The following COMMD7 variants were observed in gnomAD, a reference collection of about 807,000 sequenced individuals.
The protein encoded by COMMD7 is COMM domain-containing protein 7.
A neutral mutation model predicts 34.8 loss-of-function variants in COMMD7; 28 were observed. The ratio of observed to expected loss-of-function variants is 0.80; its 90% CI spans 0.60 to 1.10. The LOEUF (loss-of-function observed/expected upper bound fraction) is 1.10. Ranked by LOEUF, COMMD7 falls within the 50% of genes least tolerant of loss-of-function variation. The pLI is 0.00. For missense variants in COMMD7, 211 were observed against 241.6 expected (o/e 0.87, Z 0.84); for synonymous variants, 80 against 86.4 (o/e 0.93, Z 0.41).
Position 32,730,123 on chromosome 20 carries a change from T to C in COMMD7, c.85-1981A>G, listed in dbSNP as rs558840020. Among the ~76,000 whole-genome samples, 4 of 143,538 alleles carry C rather than the reference T, an allele frequency of 2.8e-5. No homozygotes were observed. The South Asian group carries it at 6.4e-4, about 23-fold the overall frequency. The allele number at this position is 143,538 out of a possible 152,430, so 94.2% of individuals were successfully genotyped here. On this transcript the variant is annotated intron_variant, in intron 1 of 8. Transcript: ENST00000278980. ...TTTTGTTATGGCAGCCTGAGCTGAC[T>C]GAGACACAGATCATTACTTTATCAT...
chr20:32,706,793 C>G, intron 3 of COMMD7, 33 bp from the exon 4 acceptor site: 2 of 1,582,062 alleles, frequency 1.3e-6, no homozygotes, highest in Middle Eastern at 1.7e-4. Flanking sequence ...GTTAGAAAGG[C>G]AGACCAGTGA....
intron 3 of COMMD7, among the ~76,000 whole-genome samples, chr20:32,708,418 T>C (rs1055221756): frequency 1.3e-5 from 2 of 151,912 alleles, no homozygotes; most frequent in African/African-American, 4.8e-5. Flanking sequence ...AAATCAACCA[T>C]ATAAACAAAG....
intron 3 of COMMD7, among the ~76,000 whole-genome samples, chr20:32,722,267 A>T (rs1183525031): frequency 6.7e-6 from 1 of 150,166 alleles, no homozygotes; most frequent in African/African-American, 2.4e-5. Flanking sequence ...AAAAAAAAAA[A>T]AGGATACAGT....
intron 6 of COMMD7, 144 bp from the exon 7 acceptor site, chr20:32,704,633 G>T (rs1183368667): frequency 3.2e-6 from 3 of 933,554 alleles, no homozygotes; most frequent in East Asian, 5.2e-5. Flanking sequence ...TGTGCTTTTG[G>T]AAAGTCAACT....
At position 32,712,612 on chromosome 20, in the gene COMMD7, T is replaced by TAA. The variant is rs34447587; in HGVS notation, c.242-5854_242-5853dup. On this transcript the variant is annotated intron_variant, in intron 3 of 8. Transcript: ENST00000278980. ...ACCCTGCACATGTACCCCAGACCTT[T>TAA]AAAAAAAAAAAAAAGAAAATTGTGT... 8.8e-3 allele frequency among the ~76,000 whole-genome samples: 1,243 copies of TAA among 141,872 alleles called. 19 individuals are homozygous for TAA. Among genetic ancestry groups the TAA allele is most frequent in the African/African-American group, 0.027 (1,043 of 38,230 alleles). 93.1% of individuals were successfully genotyped at this position (141,872 alleles called of 152,430 possible). A position where few individuals can be genotyped will look rare whatever the true frequency, so the allele number is the denominator to read the frequency against.
chr20:32,730,339 G>A (rs564840704), intron 1 of COMMD7, among the ~76,000 whole-genome samples: 26 of 152,206 alleles, frequency 1.7e-4, no homozygotes, highest in Admixed American at 1.4e-3. Flanking sequence ...CGGATCATTT[G>A]AGGTCGGGAG....
At chr20:32,727,405 T>C (rs992791680) in intron 3 of COMMD7, among the ~76,000 whole-genome samples, 1 of 151,388 alleles carries the variant, frequency 6.6e-6, no homozygotes, top group African/African-American at 2.4e-5. Flanking sequence ...GGCGTGGTGG[T>C]GCGTGCCTGT....
chr20:32,703,956 GTCAC>G, intron 8 of COMMD7, 63 bp downstream of exon 8: 1 of 1,611,022 alleles, frequency 6.2e-7, no homozygotes, highest in Non-Finnish European at 8.5e-7. Flanking sequence ...TGTGGTGAGC[GTCAC>G]CAGCCCCTGA....
intron 3 of COMMD7, among the ~76,000 whole-genome samples, chr20:32,722,247 A>G (rs932908038): frequency 3.6e-4 from 5 of 13,964 alleles, no homozygotes; most frequent in Non-Finnish European, 6.6e-4. Flanking sequence ...CTCTGTCTCG[A>G]AAAAAAAAAA....
At chr20:32,739,513 C>T (rs991473665) in intron 1 of COMMD7, among the ~76,000 whole-genome samples, 2 of 150,652 alleles carry the variant, frequency 1.3e-5, no homozygotes, top group South Asian at 2.1e-4. Context: ...GGAGTAGTGG[C>T]GGGTGCCTGT....
intron 3 of COMMD7, among the ~76,000 whole-genome samples, chr20:32,722,820 GA>G (rs1299019024): frequency 6.6e-6 from 1 of 150,536 alleles, no homozygotes; most frequent in Non-Finnish European, 1.5e-5. Flanking sequence ...AAGAGATCGA[GA>G]CCATCCTGGC....
At position 32,713,444 on chromosome 20, in the gene COMMD7, G is replaced by A. The variant is rs80234586; in HGVS notation, c.242-6684C>T. On this transcript the variant is annotated intron_variant, in intron 3 of 8. Coordinates refer to ENST00000278980, the MANE Select transcript of COMMD7 (RefSeq NM_053041.3). ...CAAAACAAAGGGAAGTGAGGGTGAC[G>A]ACTTCAGTTTTGCCAAGACGGTTGG... is the stretch of plus-strand genomic sequence containing the variant. Among the ~76,000 whole-genome samples, 445 of 152,342 alleles carry A rather than the reference G, an allele frequency of 2.9e-3. 4 individuals carry two copies. Among genetic ancestry groups the A allele is most frequent in the African/African-American group, 9.3e-3 (385 of 41,592 alleles).
chr20:32,718,369 A>G (rs1984939696), intron 3 of COMMD7, among the ~76,000 whole-genome samples: 1 of 148,842 alleles, frequency 6.7e-6, no homozygotes, highest in South Asian at 2.1e-4. Context: ...GCGCCACTGC[A>G]CTCCAGCCTG....
Position 32,736,487 on chromosome 20 carries a change from G to A in COMMD7, c.84+6821C>T, listed in dbSNP as rs189458347. 1.4e-4 allele frequency among the ~76,000 whole-genome samples: 21 copies of A among 151,560 alleles called. No individual in the cohort carries two copies. In the East Asian group the frequency reaches 4.1e-3, roughly 30 times the overall value. ...CGATTGAGACCATCCTGGCTAACAC[G>A]GTGAAACCCCGTCTCTACTAAAAAT... is the stretch of plus-strand genomic sequence containing the variant. On this transcript the variant is annotated intron_variant, in intron 1 of 8. Transcript: ENST00000278980.
At chr20:32,711,332 G>A (rs1453096099) in intron 3 of COMMD7, among the ~76,000 whole-genome samples, 1 of 150,668 alleles carries the variant, frequency 6.6e-6, no homozygotes, top group Non-Finnish European at 1.5e-5. Context: ...GGGAGGCAGA[G>A]GTTGCAGTGA....
chr20:32,741,136 C>A (rs1187939389), intron 1 of COMMD7, among the ~76,000 whole-genome samples: 1 of 138,488 alleles, frequency 7.2e-6, no homozygotes, highest in East Asian at 2.1e-4. Flanking sequence ...GAGGAAGACT[C>A]CGTCTAAAAC....
chr20:32,725,708 G>A (rs1016015154), intron 3 of COMMD7, among the ~76,000 whole-genome samples: 4 of 151,994 alleles, frequency 2.6e-5, no homozygotes, highest in South Asian at 2.1e-4. Flanking sequence ...GATTACAGGC[G>A]TGAGCCACCA....
chr20:32,727,779 G>A (rs1985599964), intron 3 of COMMD7, 114 bp downstream of exon 3: 1 of 824,394 alleles, frequency 1.2e-6, no homozygotes. Context: ...CCCACGTCTG[G>A]CTCATTACCA....
At chr20:32,730,798 G>T (rs1985792867) in intron 1 of COMMD7, among the ~76,000 whole-genome samples, 1 of 152,106 alleles carries the variant, frequency 6.6e-6, no homozygotes, top group Non-Finnish European at 1.5e-5. Flanking sequence ...AGCCAGGCTG[G>T]ACGCTAAACA....
Sources: gnomAD v4.1 joint callset for allele counts (sites outside exome capture counted in the v4.1 genomes callset) on GRCh38, gnomAD v4.1.1 for gene constraint, MANE v1.5 for transcripts, NCBI Gene and HGNC (gene_info 2026-07-23, HGNC 2026-07-21) for gene names.